KLRF1: variants seen among roughly 807,000 people sequenced by gnomAD.
The protein encoded by KLRF1 is killer cell lectin like receptor F1.
A neutral mutation model predicts 30.7 loss-of-function variants in KLRF1; 27 were observed. The observed-to-expected ratio is 0.88, with a 90% CI of 0.65 to 1.21. The LOEUF is 1.21. Among genes scored for constraint, KLRF1 ranks in the 50% most tolerant of loss-of-function variants. KLRF1 has a pLI of 0.00. For missense variants in KLRF1, 246 were observed against 259.3 expected, an observed-to-expected ratio of 0.95 and a Z score of 0.35; for synonymous variants, 92 against 89.3, an observed-to-expected ratio of 1.03 and a Z score of -0.17.
chr12:9,838,606 A>G (rs969336391), intron 3 of KLRF1, among the ~76,000 whole-genome samples: 3 of 152,142 alleles, frequency 2.0e-5, no homozygotes, highest in African/African-American at 7.2e-5. Flanking sequence ...CAAGATACCA[A>G]CCAAGGCAAA....
At chr12:9,802,797 C>G in the KLRF1 span, among the ~76,000 whole-genome samples, 1 of 151,944 alleles carries the variant, frequency 6.6e-6, no homozygotes, top group East Asian at 1.9e-4. Context: ...AAGCACTGCT[C>G]AAGGAAATAA....
At chr12:9,801,534 G>A in the KLRF1 span, among the ~76,000 whole-genome samples, 55 of 151,888 alleles carry the variant, frequency 3.6e-4, no homozygotes, top group Non-Finnish European at 4.7e-4. Context: ...TTTAATAATC[G>A]CCATTCTGAA....
chr12:9,814,673 C>A, the KLRF1 span, among the ~76,000 whole-genome samples: 2 of 152,366 alleles, frequency 1.3e-5, no homozygotes, highest in African/African-American at 2.4e-5. Flanking sequence ...GTACGGCCCA[C>A]AAGTGCCCAA....
the KLRF1 span, among the ~76,000 whole-genome samples, chr12:9,810,342 T>C: frequency 1.3e-5 from 2 of 152,202 alleles, no homozygotes; most frequent in African/African-American, 2.4e-5. Flanking sequence ...GCTGTGTTAA[T>C]AAGTGGTTAG....
chr12:9,840,696 T>C (rs1342466701), intron 3 of KLRF1, among the ~76,000 whole-genome samples: 1 of 152,116 alleles, frequency 6.6e-6, no homozygotes, highest in Non-Finnish European at 1.5e-5. Flanking sequence ...TTTAAAACTT[T>C]GTGTGGTTTT....
chr12:9,844,673 T>C lies in KLRF1; in HGVS notation c.*147T>C. On this transcript the variant is annotated 3_prime_UTR_variant, in exon 6 of 6. Transcript: ENST00000617889. ...TCTCCCTCCATCATCGACACTGGTC[T>C]AGCCTCAGAGTAACCCCTGTTAACA... The C allele has an allele frequency of 1.8e-6, 1 of 544,832 alleles. No homozygotes were observed. The highest frequency in any genetic ancestry group is 3.3e-6 in the Non-Finnish European group (1 of 302,760). The allele number at this position is 544,832 out of a possible 1,614,324, so 33.7% of individuals were successfully genotyped here.
the KLRF1 span, among the ~76,000 whole-genome samples, chr12:9,814,068 A>T: frequency 6.6e-6 from 1 of 151,704 alleles, no homozygotes; most frequent in Non-Finnish European, 1.5e-5. Flanking sequence ...CACCCCACAC[A>T]CCGGGAGGGC....
At position 9,833,378 on chromosome 12, in the gene KLRF1, T is replaced by C. The variant is rs1408683246; in HGVS notation, c.260T>C (p.Leu87Pro). ...NATQYEDTGD[L>P]KVNNGTRRNI... ...ACTCAGTATGAGGACACTGGAGATC[T>C]AAAAGTGAATAATGGCACAAGAAGA... is the stretch of plus-strand genomic sequence containing the variant. The change falls in exon 3 of 6, where the codon CTA (leucine) becomes CCA (proline). Residue 87 changes from leucine to proline, a missense_variant. By Grantham distance (98) the Leu-to-Pro change is moderately conservative. Transcript: ENST00000617889. The C allele has an allele frequency of 1.2e-6, 2 of 1,612,112 alleles. No individual in the cohort carries two copies. The highest frequency in any genetic ancestry group is 4.5e-5 in the East Asian group (2 of 44,754).
upstream of KLRF1, among the ~76,000 whole-genome samples, chr12:9,826,085 A>G (rs1407899095): frequency 1.3e-5 from 2 of 152,214 alleles, no homozygotes; most frequent in Admixed American, 6.5e-5. Context: ...CCTTGAATTA[A>G]TAGTTTATCT....
chr12:9,806,810 A>G, the KLRF1 span, among the ~76,000 whole-genome samples: 2 of 151,952 alleles, frequency 1.3e-5, no homozygotes, highest in Non-Finnish European at 2.9e-5. Context: ...CCTTCTTAGT[A>G]GCTGAGACGA....
At chr12:9,811,986 G>C in the KLRF1 span, among the ~76,000 whole-genome samples, 1 of 152,238 alleles carries the variant, frequency 6.6e-6, no homozygotes, top group Non-Finnish European at 1.5e-5. Flanking sequence ...GAACTATAGC[G>C]TACAAAAATA....
chr12:9,811,643 A>G, the KLRF1 span, among the ~76,000 whole-genome samples: 2 of 152,308 alleles, frequency 1.3e-5, no homozygotes, highest in African/African-American at 4.8e-5. Flanking sequence ...CTTCATTATC[A>G]AAAGACCATG....
chr12:9,812,956 G>T, the KLRF1 span, among the ~76,000 whole-genome samples: 1 of 152,102 alleles, frequency 6.6e-6, no homozygotes, highest in Non-Finnish European at 1.5e-5. Flanking sequence ...ACACTTGGAG[G>T]ATATGAGAGC....
the KLRF1 span, among the ~76,000 whole-genome samples, chr12:9,819,047 T>A: frequency 1.8e-4 from 27 of 152,282 alleles, no homozygotes; most frequent in Non-Finnish European, 3.8e-4. Context: ...AGTGAGTGAC[T>A]GAGCACCTGG....
upstream of KLRF1, among the ~76,000 whole-genome samples, chr12:9,823,403 A>T (rs1393994151): frequency 6.6e-6 from 1 of 152,194 alleles, no homozygotes; most frequent in African/African-American, 2.4e-5. Flanking sequence ...ATAAATAATG[A>T]AATTAAGGCA....
At chr12:9,841,625 A>G (rs1164910127) in intron 3 of KLRF1, among the ~76,000 whole-genome samples, 187 bp from the exon 4 acceptor site, 1 of 152,060 alleles carries the variant, frequency 6.6e-6, no homozygotes, top group African/African-American at 2.4e-5. Context: ...TCATTAAATT[A>G]ATTGTCTTAA....
rs1867776837 is a variant in KLRF1 at position 9,844,746 on chromosome 12, G to A, written c.*220G>A. 3.5e-6 allele frequency: 1 copy of A among 288,324 alleles called. No individual in the cohort carries two copies. Among genetic ancestry groups the A allele is most frequent in the African/African-American group, 2.2e-5 (1 of 45,652 alleles). The allele number at this position is 288,324 out of a possible 1,614,324, so 17.9% of individuals were successfully genotyped here. On this transcript the variant is annotated 3_prime_UTR_variant, in exon 6 of 6. Transcript: ENST00000617889. Reference sequence around the variant, plus strand: ...TTTTTACGTGATAGTATAAACCAATGTGACTTCATGTGATCATATCCAGGA... The same window carrying A: ...TTTTTACGTGATAGTATAAACCAATATGACTTCATGTGATCATATCCAGGA...
At chr12:9,836,677 T>C (rs1867584798) in intron 3 of KLRF1, among the ~76,000 whole-genome samples, 1 of 152,158 alleles carries the variant, frequency 6.6e-6, no homozygotes, top group Non-Finnish European at 1.5e-5. Flanking sequence ...GTGAAAATTT[T>C]ATATATTTTA....
chr12:9,814,928 G>A, the KLRF1 span, among the ~76,000 whole-genome samples: 3 of 152,158 alleles, frequency 2.0e-5, no homozygotes. Flanking sequence ...CAACAGAATA[G>A]TAGAGTGACT....
Sources: gnomAD v4.1 joint callset for allele counts (sites outside exome capture counted in the v4.1 genomes callset) on GRCh38, gnomAD v4.1.1 for gene constraint, MANE v1.5 for transcripts, NCBI Gene and HGNC (gene_info 2026-07-23, HGNC 2026-07-21) for gene names.